The following COBLL1 variants were observed in gnomAD, a reference collection of about 807,000 sequenced individuals.
COBLL1 encodes cordon-bleu protein-like 1.
A neutral mutation model predicts 94.8 loss-of-function variants in COBLL1; 50 were observed. The ratio of observed to expected loss-of-function variants is 0.53; its 90% CI spans 0.42 to 0.67. The LOEUF (loss-of-function observed/expected upper bound fraction) is 0.67. COBLL1 is among the 30% of genes least tolerant of loss of function. The pLI is 0.00. For missense variants in COBLL1, 1,362 were observed against 1,348.7 expected, an observed-to-expected ratio of 1.01 and a Z score of -0.15; for synonymous variants, 448 against 473.8, an observed-to-expected ratio of 0.95 and a Z score of 0.71.
intron 2 of COBLL1, among the ~76,000 whole-genome samples, chr2:164,817,672 GT>G (rs1684838635): frequency 6.7e-6 from 1 of 148,574 alleles, no homozygotes; most frequent in Admixed American, 6.9e-5. Flanking sequence ...CACTGAATGA[GT>G]TCCTACAGTA....
At chr2:164,769,703 A>G (rs2105245285) in intron 2 of COBLL1, among the ~76,000 whole-genome samples, 1 of 152,296 alleles carries the variant, frequency 6.6e-6, no homozygotes, top group Admixed American at 6.5e-5. Flanking sequence ...AATTTTAAAA[A>G]GAGTAATTGC....
chr2:164,747,921 G>A (rs930353396), intron 2 of COBLL1, among the ~76,000 whole-genome samples: 3 of 152,046 alleles, frequency 2.0e-5, no homozygotes, highest in Non-Finnish European at 4.4e-5. Flanking sequence ...CAATACAACC[G>A]AGAAGATGCA....
chr2:164,695,181 C>G lies in COBLL1; in HGVS notation c.2211G>C (p.Val737=). ...PKIGMTTYKI[V]PPKSLEISKD... The stretch of plus-strand genomic sequence containing the variant: ...TCGATATTTCCAAGGATTTGGGAGG[C>G]ACTATTTTATAAGTAGTCATGCCAA... Residue 737 remains valine (V), a synonymous_variant, in exon 12 of 14, where the codon GTG becomes GTC. Transcript: ENST00000652658. 6.2e-7 allele frequency: 1 copy of G among 1,613,868 alleles called. No individual in the cohort carries two copies. The highest frequency in any genetic ancestry group is 8.5e-7 in the Non-Finnish European group (1 of 1,179,894).
In COBLL1 at chr2:164,824,817, A is replaced by T. The variant is rs558633065; in HGVS notation, c.41+16339T>A. On this transcript the variant is annotated intron_variant, in intron 2 of 13. Coordinates refer to ENST00000652658, the MANE Select transcript of COBLL1 (RefSeq NM_001365672.2). The stretch of plus-strand genomic sequence containing the variant: ...AGCATGTTTATTTTGTAATTGGAAA[A>T]ATATTAAAAATACAAAAAAAAGTGT... Among the ~76,000 whole-genome samples the T allele has an allele frequency of 3.9e-5, 6 of 152,326 alleles. No homozygotes were observed. In the South Asian group the frequency reaches 1.0e-3, roughly 26 times the overall value.
At position 164,729,998 on chromosome 2, in the gene COBLL1, T is replaced by C. The variant is rs1195199845; in HGVS notation, c.348A>G (p.Thr116=). 2 of 1,614,030 alleles carry C rather than the reference T, an allele frequency of 1.2e-6. No individual in the cohort carries two copies. The highest frequency in any genetic ancestry group is 1.7e-6 in the Non-Finnish European group (2 of 1,179,950). The change falls in exon 4 of 14, where the codon ACA becomes ACG. Residue 116 remains threonine (T), a synonymous_variant. Transcript: ENST00000652658. ...TCTCTACCTCCAACATTCCTATTGG[T>C]GTGTTTGGCTTAAATTTAATGTGGT... The part of the protein sequence containing the change: ...EQNHIKFKPN[T]PIGMLEVEKV...
chr2:164,667,083 ATATT>A (rs1437320928), intron 1 of COBLL1, among the ~76,000 whole-genome samples: 2 of 152,050 alleles, frequency 1.3e-5, no homozygotes, highest in African/African-American at 4.8e-5. Flanking sequence ...AAATAATAAG[ATATT>A]TATTTAATAT....
chr2:164,826,651 C>A (rs1685440698), intron 2 of COBLL1, among the ~76,000 whole-genome samples: 1 of 152,336 alleles, frequency 6.6e-6, no homozygotes, highest in Non-Finnish European at 1.5e-5. Flanking sequence ...GTCCTGTCTC[C>A]AAGCTCACTC....
intron 2 of COBLL1, among the ~76,000 whole-genome samples, chr2:164,748,382 A>G (rs186556057): frequency 8.6e-4 from 131 of 152,310 alleles, no homozygotes; most frequent in African/African-American, 3.0e-3. Flanking sequence ...CGAAGTAATA[A>G]CAAAATTGTC....
intron 2 of COBLL1, among the ~76,000 whole-genome samples, chr2:164,838,002 C>T (rs2105396558): frequency 6.6e-6 from 1 of 152,130 alleles, no homozygotes; most frequent in African/African-American, 2.4e-5. Flanking sequence ...GGCAACATAG[C>T]AAGACTCCAG....
chr2:164,799,319 T>C (rs1683643226), intron 2 of COBLL1, among the ~76,000 whole-genome samples: 1 of 152,136 alleles, frequency 6.6e-6, no homozygotes, highest in South Asian at 2.1e-4. Context: ...TTTTATTGAT[T>C]GAAAGCCACA....
chr2:164,678,713 T>C (rs756763021), downstream of COBLL1, among the ~76,000 whole-genome samples: 1 of 152,154 alleles, frequency 6.6e-6, no homozygotes, highest in Non-Finnish European at 1.5e-5. Context: ...ATCAAGAATA[T>C]ATAAAGCACT....
chr2:164,833,365 A>G (rs1018797596), intron 2 of COBLL1, among the ~76,000 whole-genome samples: 16 of 152,136 alleles, frequency 1.1e-4, no homozygotes, highest in Non-Finnish European at 2.4e-4. Context: ...AAAATAAATA[A>G]ATAAATAGCT....
In COBLL1 at chr2:164,680,893, T is replaced by G. The variant is rs952799513; in HGVS notation, c.*5053A>C. ...ACTTTGACAGCTGGGCTCTCATGCT[T>G]CTAGGTCTGAAGACAAAATGAGAGA... On this transcript the variant is annotated 3_prime_UTR_variant, in exon 14 of 14. Transcript: ENST00000652658. The G allele has an allele frequency of 6.6e-6, 1 of 152,074 alleles. No homozygotes were observed. The highest frequency in any genetic ancestry group is 2.4e-5 in the African/African-American group (1 of 41,394). 9.4% of individuals were successfully genotyped at this position (152,074 alleles called of 1,614,324 possible).
In COBLL1 at chr2:164,699,574, C is replaced by T. The variant is rs1044995181; in HGVS notation, c.1461-75G>A. ...ACATACACACACACACAGACACACA[C>T]ACACACAATGAGAAACAGGCAATAA... is the stretch of plus-strand genomic sequence containing the variant. On this transcript the variant is annotated intron_variant, in intron 10 of 13. Transcript: ENST00000652658. 2.8e-4 allele frequency: 221 copies of T among 798,984 alleles called. 2 individuals are homozygous for T. The East Asian group carries it at 5.4e-3, about 20-fold the overall frequency. The allele number at this position is 798,984 out of a possible 1,614,324, so 49.5% of individuals were successfully genotyped here.
At chr2:164,807,941 C>T (rs355795) in intron 2 of COBLL1, among the ~76,000 whole-genome samples, 152,232 of 152,234 alleles carry the variant, frequency 1, 76,115 homozygotes, top group Middle Eastern at 1. Flanking sequence ...TGCCTCAGTC[C>T]CCCGAGTAGC....
Position 164,695,227 on chromosome 2 carries a change from G to A in COBLL1, c.2165C>T (p.Thr722Ile). The part of the protein sequence containing the change: ...NPKPKPSNEI[T>I]REYIPKIGMT... The stretch of plus-strand genomic sequence containing the variant: ...GCCAATTTTGGGTATATACTCTCGT[G>A]TAATTTCATTTGAAGGTTTTGGCTT... The change falls in exon 12 of 14, where the codon ACA (threonine) becomes ATA (isoleucine). Residue 722 changes from threonine to isoleucine, a missense_variant. By Grantham distance (89) the Thr-to-Ile change is moderately conservative. Coordinates refer to ENST00000652658, the MANE Select transcript of COBLL1 (RefSeq NM_001365672.2). 1 of 1,613,944 alleles carries A rather than the reference G, an allele frequency of 6.2e-7. No individual in the cohort carries two copies. Among genetic ancestry groups the A allele is most frequent in the Non-Finnish European group, 8.5e-7 (1 of 1,179,942 alleles).
At chr2:164,814,640 G>A (rs1157529471) in intron 2 of COBLL1, among the ~76,000 whole-genome samples, 2 of 151,982 alleles carry the variant, frequency 1.3e-5, no homozygotes, top group African/African-American at 2.4e-5. Flanking sequence ...AGTTTTCTGA[G>A]GACACAGTAT....
At chr2:164,781,607 C>T (rs1287090346) in intron 2 of COBLL1, among the ~76,000 whole-genome samples, 1 of 152,078 alleles carries the variant, frequency 6.6e-6, no homozygotes, top group African/African-American at 2.4e-5. Flanking sequence ...AACTATTTAG[C>T]GAATTAGTCA....
intron 2 of COBLL1, among the ~76,000 whole-genome samples, chr2:164,832,490 C>T (rs1397554819): frequency 6.6e-6 from 1 of 152,094 alleles, no homozygotes; most frequent in South Asian, 2.1e-4. Context: ...TTAAAAAAAT[C>T]AGATTTTATA....
Sources: gnomAD v4.1 joint callset for allele counts (sites outside exome capture counted in the v4.1 genomes callset) on GRCh38, gnomAD v4.1.1 for gene constraint, MANE v1.5 for transcripts, NCBI Gene and HGNC (gene_info 2026-07-23, HGNC 2026-07-21) for gene names.